HIVEP3: variants seen among roughly 807,000 people sequenced by gnomAD.
HIVEP3 encodes transcription factor HIVEP3.
Under a neutral mutation model 152.8 loss-of-function variants are expected in HIVEP3, and 49 were observed. The observed-to-expected ratio is 0.32, with a 90% confidence interval of 0.26 to 0.41. The LOEUF is 0.41. Among genes scored for constraint, HIVEP3 ranks in the 10% least tolerant of loss-of-function variants. The pLI is 1.00. For synonymous variants in HIVEP3, 1,269 were observed against 1,289.0 expected, an observed-to-expected ratio of 0.98 and a Z score of 0.33; for missense variants, 2,790 against 3,103.3, an observed-to-expected ratio of 0.90 and a Z score of 2.40.
intron 1 of HIVEP3, among the ~76,000 whole-genome samples, chr1:41,834,255 G>A (rs1247776009): frequency 1.3e-5 from 2 of 152,232 alleles, no homozygotes; most frequent in African/African-American, 2.4e-5. Flanking sequence ...CAGAGACCAC[G>A]GACATCTTCA....
At position 41,897,762 on chromosome 1, in the gene HIVEP3, A is replaced by G. The variant is rs142056945; in HGVS notation, c.-801+20651T>C. 3.1e-4 allele frequency among the ~76,000 whole-genome samples: 47 copies of G among 152,266 alleles called. 1 individual carries two copies. Among genetic ancestry groups the G allele is most frequent in the African/African-American group, 1.1e-3 (45 of 41,554 alleles). ...AAAAGTTGACCCCTAGTTGAAAAAA[A>G]TCTCAGAAGAGCCTAACGTGTGGTC... is the stretch of plus-strand genomic sequence containing the variant. On this transcript the variant is annotated intron_variant, in intron 1 of 8. Transcript: ENST00000372583.
At chr1:41,699,880 T>C (rs887785956) in intron 2 of HIVEP3, among the ~76,000 whole-genome samples, 1 of 151,998 alleles carries the variant, frequency 6.6e-6, no homozygotes, top group Non-Finnish European at 1.5e-5. Flanking sequence ...CCTGCTTGTG[T>C]AGGACCCAGC....
At chr1:41,983,948 G>A (rs924796476) in intron 1 of HIVEP3, among the ~76,000 whole-genome samples, 15 of 152,010 alleles carry the variant, frequency 9.9e-5, no homozygotes, top group African/African-American at 3.4e-4. Context: ...GTAGAACAAT[G>A]AAGAAAAAAA....
upstream of HIVEP3, among the ~76,000 whole-genome samples, chr1:41,920,175 T>C (rs1390187525): frequency 2.6e-5 from 4 of 152,188 alleles, no homozygotes; most frequent in East Asian, 7.7e-4. Context: ...TCATATTTCA[T>C]GTGTCATCGC....
chr1:41,554,180 G>A (rs1302230472), intron 5 of HIVEP3, among the ~76,000 whole-genome samples: 1 of 152,110 alleles, frequency 6.6e-6, no homozygotes, highest in East Asian at 1.9e-4. Flanking sequence ...ATATTTTTTG[G>A]AGGCTTTGTT....
At chr1:41,539,556 C>T (rs1043978247) in intron 5 of HIVEP3, among the ~76,000 whole-genome samples, 4 of 152,164 alleles carry the variant, frequency 2.6e-5, no homozygotes, top group African/African-American at 9.7e-5. Flanking sequence ...CAGCCTCACT[C>T]CCTTATGTCC....
intron 1 of HIVEP3, among the ~76,000 whole-genome samples, chr1:41,976,290 C>T (rs1019175988): frequency 6.6e-6 from 1 of 152,166 alleles, no homozygotes; most frequent in Non-Finnish European, 1.5e-5. Flanking sequence ...TATTATTCTT[C>T]TCCTGAGACG....
At chr1:41,773,490 C>A (rs536218348) in intron 1 of HIVEP3, among the ~76,000 whole-genome samples, 3 of 130,582 alleles carry the variant, frequency 2.3e-5, no homozygotes, top group Admixed American at 7.3e-5. Flanking sequence ...GCTGCCCTGG[C>A]TCCTTCTTCC....
At chr1:41,730,304 T>C (rs1444616967) in intron 1 of HIVEP3, among the ~76,000 whole-genome samples, 1 of 152,226 alleles carries the variant, frequency 6.6e-6, no homozygotes, top group East Asian at 1.9e-4. Context: ...AGGTCACTTC[T>C]CCCCTCAAGC....
chr1:41,784,832 T>A (rs1466078409), intron 1 of HIVEP3, among the ~76,000 whole-genome samples: 1 of 152,256 alleles, frequency 6.6e-6, no homozygotes, highest in East Asian at 1.9e-4. Flanking sequence ...AGGTTTCTGG[T>A]GAGAATGTAA....
At chr1:41,595,509 C>T (rs1026172183) in intron 3 of HIVEP3, among the ~76,000 whole-genome samples, 1 of 152,084 alleles carries the variant, frequency 6.6e-6, no homozygotes, top group African/African-American at 2.4e-5. Context: ...AGTCAGCATA[C>T]CCTTGTTTGA....
intron 1 of HIVEP3, among the ~76,000 whole-genome samples, chr1:42,025,623 C>T (rs1050552018): frequency 5.9e-5 from 9 of 152,220 alleles, no homozygotes; most frequent in African/African-American, 1.2e-4. Flanking sequence ...GAAGAAGGTG[C>T]CCTCCTCCGG....
rs567758265 is a variant in HIVEP3 at position 41,655,527 on chromosome 1, G to C, written c.-720-26580C>G. Among the ~76,000 whole-genome samples, 19 of 137,230 alleles carry C rather than the reference G, an allele frequency of 1.4e-4. No homozygotes were observed. In the East Asian group the frequency reaches 4.3e-3, roughly 31 times the overall value. The allele number at this position is 137,230 out of a possible 152,430, so 90.0% of individuals were successfully genotyped here. A position where few individuals can be genotyped will look rare whatever the true frequency, so the allele number is the denominator to read the frequency against. ...GAACCCAGGAGGCGAAGGTTGTAGT[G>C]AGAAGAGATTGTGCCATTGCACTCC... On this transcript the variant is annotated intron_variant, in intron 2 of 8. Coordinates refer to ENST00000372583, the MANE Select transcript of HIVEP3 (RefSeq NM_024503.5).
intron 6 of HIVEP3, among the ~76,000 whole-genome samples, 193 bp from the exon 7 acceptor site, chr1:41,518,681 C>T (rs1204462087): frequency 6.6e-6 from 1 of 152,156 alleles, no homozygotes; most frequent in Admixed American, 6.5e-5. Context: ...GTAGCCACAG[C>T]TGCTGTTCAG....
chr1:41,717,184 C>T (rs1456691500), intron 1 of HIVEP3, among the ~76,000 whole-genome samples: 3 of 151,840 alleles, frequency 2.0e-5, no homozygotes, highest in African/African-American at 7.3e-5. Context: ...CCAAGTGGCT[C>T]AGCATCTGGG....
intron 1 of HIVEP3, among the ~76,000 whole-genome samples, chr1:42,032,586 C>T (rs1645619172): frequency 6.6e-6 from 1 of 152,138 alleles, no homozygotes; most frequent in Admixed American, 6.6e-5. Flanking sequence ...CTCTCCTCTC[C>T]ACCCCACTGG....
chr1:41,826,314 G>A (rs991248074), intron 1 of HIVEP3, among the ~76,000 whole-genome samples: 2 of 152,198 alleles, frequency 1.3e-5, no homozygotes, highest in African/African-American at 4.8e-5. Flanking sequence ...TCCAGGAAAT[G>A]GGGGATCCTA....
At chr1:41,814,362 A>G (rs560724351) in intron 1 of HIVEP3, among the ~76,000 whole-genome samples, 44 of 152,324 alleles carry the variant, frequency 2.9e-4, no homozygotes, top group Non-Finnish European at 5.7e-4. Flanking sequence ...CCTGTGCTGT[A>G]TGAACTATAT....
rs530311605 is a variant in HIVEP3 at position 41,941,647 on chromosome 1, A to G, written n.120-23123T>C. 7.2e-5 allele frequency among the ~76,000 whole-genome samples: 11 copies of G among 152,350 alleles called. No homozygotes were observed. In the South Asian group the frequency reaches 1.2e-3, roughly 17 times the overall value. On this transcript the variant is annotated intron_variant and non_coding_transcript_variant, in intron 1 of 3. Coordinates refer to the HIVEP3 transcript ENST00000489103. ...TTGGGATTGTGAAAGCAGGCCCACT[A>G]GAGAAACACAGTAGAAAATACAGAG... is the stretch of plus-strand genomic sequence containing the variant.
Sources: allele counts gnomAD v4.1 joint callset (sites outside exome capture counted in the v4.1 genomes callset), GRCh38; gene constraint gnomAD v4.1.1; transcripts MANE v1.5; gene names NCBI Gene and HGNC (gene_info 2026-07-23, HGNC 2026-07-21).